Variants in ABCA13 observed in about 807,000 individuals in gnomAD.
ABCA13 encodes the protein ATP binding cassette subfamily A member 13.
In ABCA13, 476 loss-of-function variants were observed where a neutral mutation model predicts 478.7. The observed-to-expected ratio is 0.99, with a 90% CI of 0.92 to 1.07. The LOEUF is 1.07. Among genes scored for constraint, ABCA13 ranks in the 50% least tolerant of loss-of-function variants. The pLI is 0.00. For synonymous variants in ABCA13, 2,252 were observed against 2,158.9 expected (o/e 1.04, Z -1.20); for missense variants, 6,060 against 5,910.6 (o/e 1.03, Z -0.83).
chr7:48,421,966 G>C (rs1345414137), intron 41 of ABCA13, among the ~76,000 whole-genome samples: 1 of 144,982 alleles, frequency 6.9e-6, no homozygotes, highest in African/African-American at 2.6e-5. Context: ...CTGCTTTGCT[G>C]CTCTGCTCAC....
intron 58 of ABCA13, among the ~76,000 whole-genome samples, chr7:48,610,457 G>A (rs186987287): frequency 2.2e-3 from 337 of 152,278 alleles, no homozygotes; most frequent in Admixed American, 4.4e-3. Context: ...TTCCAGGAGC[G>A]CAGTGCAAGC....
In ABCA13 at chr7:48,256,573, T is replaced by C. The variant is rs183046341; in HGVS notation, c.2005+7222T>C. Among the ~76,000 whole-genome samples the C allele has an allele frequency of 2.2e-3, 329 of 152,320 alleles. 1 individual carries two copies. Among genetic ancestry groups the C allele is most frequent in the Non-Finnish European group, 3.9e-3 (266 of 68,022 alleles). Reference sequence around the variant, plus strand: ...TAAGGAATCCTATCCCTATTGCTAGTTTTTGTCAACTTTGTCAAAGATCGA... The same window carrying C: ...TAAGGAATCCTATCCCTATTGCTAGCTTTTGTCAACTTTGTCAAAGATCGA... On this transcript the variant is annotated intron_variant, in intron 15 of 61. Coordinates refer to ENST00000435803, the MANE Select transcript of ABCA13 (RefSeq NM_152701.5).
intron 51 of ABCA13, among the ~76,000 whole-genome samples, chr7:48,513,551 T>G (rs757351556): frequency 4.6e-5 from 7 of 152,204 alleles, no homozygotes; most frequent in Non-Finnish European, 8.8e-5. Flanking sequence ...TGCAGAATCC[T>G]GCTTGGTGTC....
At chr7:48,413,313 C>G (rs57758900) in intron 41 of ABCA13, among the ~76,000 whole-genome samples, 1 of 152,164 alleles carries the variant, frequency 6.6e-6, no homozygotes. Context: ...ACACTGCAGA[C>G]GCCTGGTGAG....
intron 48 of ABCA13, among the ~76,000 whole-genome samples, chr7:48,497,849 A>G (rs1040344190): frequency 1.3e-5 from 2 of 152,198 alleles, no homozygotes; most frequent in African/African-American, 4.8e-5. Context: ...AGTATTCTTT[A>G]GTCTCATCGA....
chr7:48,330,261 T>TCATC (rs1464805268), intron 27 of ABCA13, among the ~76,000 whole-genome samples: 1 of 149,596 alleles, frequency 6.7e-6, no homozygotes, highest in East Asian at 2.0e-4. Context: ...ATGTATTCAT[T>TCATC]CATCCATCCA....
chr7:48,431,383 AC>A (rs1195049246), intron 42 of ABCA13, among the ~76,000 whole-genome samples: 2 of 151,698 alleles, frequency 1.3e-5, no homozygotes, highest in African/African-American at 2.4e-5. Flanking sequence ...AACAACAACA[AC>A]AACAAATCTC....
At chr7:48,643,111 C>A (rs989282272) in intron 59 of ABCA13, among the ~76,000 whole-genome samples, 177 bp from the exon 60 acceptor site, 4 of 152,082 alleles carry the variant, frequency 2.6e-5, no homozygotes, top group Admixed American at 2.6e-4. Flanking sequence ...AAATGGAAAA[C>A]AACTAACTGT....
chr7:48,540,694 C>G (rs1329030522), intron 55 of ABCA13, among the ~76,000 whole-genome samples: 2 of 152,002 alleles, frequency 1.3e-5, no homozygotes, highest in Non-Finnish European at 2.9e-5. Context: ...AAACAGGGCT[C>G]TTTTACTTTC....
intron 44 of ABCA13, 148 bp downstream of exon 44, chr7:48,467,193 C>G: frequency 1.3e-6 from 1 of 752,780 alleles, no homozygotes; most frequent in Non-Finnish European, 2.3e-6. Context: ...TAGGTTATTA[C>G]TGAATGGGCC....
At chr7:48,523,841 T>C (rs1832717214) in intron 53 of ABCA13, among the ~76,000 whole-genome samples, 3 of 152,196 alleles carry the variant, frequency 2.0e-5, no homozygotes, top group Admixed American at 2.0e-4. Flanking sequence ...AAACTTACAA[T>C]GTTTCAGTAC....
chr7:48,216,059 A>C (rs1362101760), intron 3 of ABCA13, among the ~76,000 whole-genome samples: 1 of 152,176 alleles, frequency 6.6e-6, no homozygotes, highest in Non-Finnish European at 1.5e-5. Context: ...ATTATGAATA[A>C]TGCTGGAATA....
intron 31 of ABCA13, among the ~76,000 whole-genome samples, chr7:48,355,187 G>A (rs1329322528): frequency 6.6e-6 from 1 of 151,996 alleles, no homozygotes; most frequent in Non-Finnish European, 1.5e-5. Context: ...GAAATAGGAT[G>A]AGCAGGGTCA....
chr7:48,219,624 T>C (rs543896620), intron 4 of ABCA13, 119 bp downstream of exon 4: 84 of 1,310,758 alleles, frequency 6.4e-5, no homozygotes, highest in Middle Eastern at 5.7e-4. Flanking sequence ...TAAACTTTCA[T>C]AGTGAGTCTT....
chr7:48,468,564 C>A lies in ABCA13; in HGVS notation c.12905+1519C>A, dbSNP rs1289355187. Among the ~76,000 whole-genome samples, 3 of 152,080 alleles carry A rather than the reference C, an allele frequency of 2.0e-5. No individual in the cohort carries two copies. The East Asian group carries it at 5.8e-4, about 29-fold the overall frequency. On this transcript the variant is annotated intron_variant, in intron 44 of 61. Coordinates refer to ENST00000435803, the MANE Select transcript of ABCA13 (RefSeq NM_152701.5). ...AATAATAATTTATGTCCATGTTATA[C>A]AAATAGGGCTTGATTCACTAGGACC...
rs1040819634 is a variant in ABCA13 at position 48,291,793 on chromosome 7, C to T, written c.8955+3715C>T. ...TAGACAGCAGACACCACTCCACCTG[C>T]TCAGTCCGTCAACCTTCACATGCGG... is the stretch of plus-strand genomic sequence containing the variant. On this transcript the variant is annotated intron_variant, in intron 20 of 61. Transcript: ENST00000435803. 3.3e-5 allele frequency among the ~76,000 whole-genome samples: 5 copies of T among 152,202 alleles called. No individual in the cohort carries two copies. The East Asian group carries it at 9.6e-4, about 29-fold the overall frequency.
chr7:48,614,244 T>C (rs1421544177), intron 58 of ABCA13, among the ~76,000 whole-genome samples: 1 of 151,224 alleles, frequency 6.6e-6, no homozygotes, highest in African/African-American at 2.4e-5. Flanking sequence ...ACATTCACAT[T>C]GCTTTGTTAA....
chr7:48,187,885 CT>C (rs1464927677), intron 1 of ABCA13, among the ~76,000 whole-genome samples: 4 of 152,050 alleles, frequency 2.6e-5, no homozygotes, highest in African/African-American at 7.2e-5. Context: ...TGCTTTATGA[CT>C]TCCTTTTGTT....
rs985018684 is a variant in ABCA13 at position 48,241,569 on chromosome 7, C to A, written c.1262+503C>A. ...CTTTTTAAGATAACCACAATTGATT[C>A]ACCAAAATAGCCGACTAGATCTTTT... On this transcript the variant is annotated intron_variant, in intron 10 of 61. Transcript: ENST00000435803. 4.6e-5 allele frequency among the ~76,000 whole-genome samples: 7 copies of A among 152,172 alleles called. No homozygotes were observed. The South Asian group carries it at 6.2e-4, about 14-fold the overall frequency.
Sources: gnomAD v4.1 joint callset for allele counts (sites outside exome capture counted in the v4.1 genomes callset) on GRCh38, gnomAD v4.1.1 for gene constraint, MANE v1.5 for transcripts, NCBI Gene and HGNC (gene_info 2026-07-23, HGNC 2026-07-21) for gene names.